ELF5: variants seen among roughly 807,000 people sequenced by gnomAD.
The protein encoded by ELF5 is ETS-related transcription factor Elf-5.
A neutral mutation model predicts 38.2 loss-of-function variants in ELF5; 31 were observed. The ratio of observed to expected loss-of-function variants is 0.81; its 90% CI spans 0.61 to 1.10. The LOEUF (loss-of-function observed/expected upper bound fraction) is 1.10, where lower values mean the gene tolerates loss of function less well. Among genes scored for constraint, ELF5 ranks in the 50% least tolerant of loss-of-function variants. ELF5 has a pLI of 0.00. For synonymous variants in ELF5, 121 were observed against 112.5 expected (o/e 1.08, Z -0.48); for missense variants, 300 against 306.6 (o/e 0.98, Z 0.16).
intron 5 of ELF5, among the ~76,000 whole-genome samples, chr11:34,481,185 G>A (rs1045044562): frequency 1.3e-5 from 2 of 151,884 alleles, no homozygotes; most frequent in African/African-American, 4.8e-5. Flanking sequence ...ATCATGCCTG[G>A]CTAATTTTTT....
At chr11:34,486,417 C>T (rs1231173060) in intron 4 of ELF5, among the ~76,000 whole-genome samples, 4 of 152,102 alleles carry the variant, frequency 2.6e-5, no homozygotes, top group Admixed American at 1.3e-4. Flanking sequence ...TGTCTGGGCA[C>T]CTTCAGTGGG....
rs2231822 is a variant in ELF5 at position 34,493,543 on chromosome 11, G to A, written c.291C>T (p.Phe97=). The change falls in exon 3 of 7, where the codon TTC becomes TTT. Residue 97 remains phenylalanine, a synonymous_variant. Coordinates refer to ENST00000257832, the MANE Select transcript of ELF5 (RefSeq NM_001422.4). ...CGCCGCAGAGGCCAGCTGCCTCGACGAACTCCTCCTGTGTCATGCTGCACA... is the reference window on the plus strand; with the variant it reads ...CGCCGCAGAGGCCAGCTGCCTCGACAAACTCCTCCTGTGTCATGCTGCACA... The part of the protein sequence containing the change: ...LQLCSMTQEE[F]VEAAGLCGEY... The A allele has an allele frequency of 1.9e-6, 3 of 1,614,090 alleles. No individual in the cohort carries two copies. Among genetic ancestry groups the A allele is most frequent in the East Asian group, 2.2e-5 (1 of 44,898 alleles).
intron 1 of ELF5, among the ~76,000 whole-genome samples, chr11:34,512,062 C>A (rs577427337): frequency 6.6e-5 from 10 of 152,226 alleles, no homozygotes; most frequent in Admixed American, 3.9e-4. Flanking sequence ...CTCAGTGATA[C>A]CCAAATGTCC....
chr11:34,497,804 G>A (rs1013398265), intron 2 of ELF5, among the ~76,000 whole-genome samples: 1 of 152,206 alleles, frequency 6.6e-6, no homozygotes, highest in Non-Finnish European at 1.5e-5. Context: ...GGGAAGCCCA[G>A]TCAAAATGTC....
At chr11:34,483,634 C>G (rs1856992156) in intron 4 of ELF5, among the ~76,000 whole-genome samples, 1 of 152,022 alleles carries the variant, frequency 6.6e-6, no homozygotes, top group South Asian at 2.1e-4. Context: ...CTATCCTGTG[C>G]TGTACATACT....
chr11:34,480,456 T>C, intron 6 of ELF5, 142 bp from the exon 7 acceptor site: 2 of 701,386 alleles, frequency 2.9e-6, no homozygotes, highest in Admixed American at 2.6e-5. Flanking sequence ...TGTTATCAAC[T>C]TACACTTAAA....
chr11:34,510,837 G>T (rs1053242280), intron 1 of ELF5, among the ~76,000 whole-genome samples: 7 of 152,184 alleles, frequency 4.6e-5, no homozygotes, highest in African/African-American at 1.7e-4. Flanking sequence ...TAAAAAAAAG[G>T]TGGAGAAGCG....
Position 34,509,014 on chromosome 11 carries a change from C to G in ELF5, c.-4-3261G>C, listed in dbSNP as rs537620223. Among the ~76,000 whole-genome samples the G allele has an allele frequency of 3.3e-5, 5 of 152,320 alleles. No homozygotes were observed. In the South Asian group the frequency reaches 8.3e-4, roughly 25 times the overall value. On this transcript the variant is annotated intron_variant, in intron 1 of 6. Transcript: ENST00000257832. ...TTTGCAGATGCTTGAAAATCTCCAACCACCATCATCATCACCATCAAATGT... is the reference window on the plus strand; with the variant it reads ...TTTGCAGATGCTTGAAAATCTCCAAGCACCATCATCATCACCATCAAATGT...
chr11:34,486,704 G>A (rs1053351565), intron 4 of ELF5, among the ~76,000 whole-genome samples: 1 of 152,206 alleles, frequency 6.6e-6, no homozygotes, highest in African/African-American at 2.4e-5. Flanking sequence ...AGATGCAAAT[G>A]GAGATAATAA....
chr11:34,502,236 C>T (rs972484213), intron 2 of ELF5, among the ~76,000 whole-genome samples: 1 of 152,212 alleles, frequency 6.6e-6, no homozygotes, highest in South Asian at 2.1e-4. Context: ...CAGTGCCTGC[C>T]CATGAACCTG....
At chr11:34,508,186 T>C (rs1282867005) in intron 1 of ELF5, among the ~76,000 whole-genome samples, 2 of 152,180 alleles carry the variant, frequency 1.3e-5, no homozygotes, top group Non-Finnish European at 2.9e-5. Flanking sequence ...CCCTCACCTA[T>C]TTTTGTAAAG....
intron 2 of ELF5, among the ~76,000 whole-genome samples, chr11:34,502,706 G>GT (rs1412195860): frequency 2.0e-5 from 3 of 152,214 alleles, no homozygotes; most frequent in African/African-American, 4.8e-5. Flanking sequence ...CATCCCTCAG[G>GT]GAGCCTTAGG....
rs1234003611 is a variant in ELF5, at chr11:34,490,148, G to C, written c.356-89C>G. On this transcript the variant is annotated intron_variant, in intron 3 of 6. Coordinates refer to ENST00000257832, the MANE Select transcript of ELF5 (RefSeq NM_001422.4). ...GGAGAGGGGGTGTTGGAGGGAAGTG[G>C]AGTGACTGTCCCTCTTGAGGTTGGT... 4.3e-6 allele frequency: 6 copies of C among 1,393,862 alleles called. No individual in the cohort carries two copies. The South Asian group carries it at 4.6e-5, about 11-fold the overall frequency. The allele number at this position is 1,393,862 out of a possible 1,614,324, so 86.3% of individuals were successfully genotyped here.
At position 34,502,027 on chromosome 11, in the gene ELF5, T is replaced by C. The variant is rs183353862; in HGVS notation, c.121+3602A>G. Among the ~76,000 whole-genome samples, 38 of 152,180 alleles carry C rather than the reference T, an allele frequency of 2.5e-4. No homozygotes were observed. The Middle Eastern group carries it at 0.01, about 41-fold the overall frequency. The stretch of plus-strand genomic sequence containing the variant: ...TGTTATTTTTGTTCAATATGGACAA[T>C]GAAGAGAGGAGAGGGAAGGCTGTTT... On this transcript the variant is annotated intron_variant, in intron 2 of 6. Coordinates refer to ENST00000257832, the MANE Select transcript of ELF5 (RefSeq NM_001422.4).
At chr11:34,488,094 C>A (rs1308425572) in intron 4 of ELF5, among the ~76,000 whole-genome samples, 3 of 152,156 alleles carry the variant, frequency 2.0e-5, no homozygotes, top group Non-Finnish European at 4.4e-5. Context: ...AGTTTAAATG[C>A]AATCTTTCCC....
At chr11:34,497,703 G>T (rs1215132320) in intron 2 of ELF5, among the ~76,000 whole-genome samples, 1 of 152,156 alleles carries the variant, frequency 6.6e-6, no homozygotes, top group African/African-American at 2.4e-5. Flanking sequence ...GGAAAGGTGG[G>T]CCTTGTGTTG....
chr11:34,499,978 T>C (rs1850419659), intron 2 of ELF5, among the ~76,000 whole-genome samples: 1 of 151,992 alleles, frequency 6.6e-6, no homozygotes, highest in African/African-American at 2.4e-5. Flanking sequence ...TCTTAGGAGG[T>C]TTGTTGTGAA....
rs1254094159 is a variant in ELF5 at position 34,478,953 on chromosome 11, G to C, written c.*1265C>G. The C allele has an allele frequency of 6.6e-6, 1 of 152,632 alleles. No homozygotes were observed. The highest frequency in any genetic ancestry group is 2.4e-5 in the African/African-American group (1 of 41,452). 9.5% of individuals were successfully genotyped at this position (152,632 alleles called of 1,614,324 possible). The stretch of plus-strand genomic sequence containing the variant: ...GGTCTTCAGCCTGTACAGCGATTCA[G>C]TGCCTCACCACTTGATTCCTGCTCT... On this transcript the variant is annotated 3_prime_UTR_variant, in exon 7 of 7. Coordinates refer to ENST00000257832, the MANE Select transcript of ELF5 (RefSeq NM_001422.4).
At chr11:34,501,140 T>C (rs1433193939) in intron 2 of ELF5, among the ~76,000 whole-genome samples, 2 of 152,184 alleles carry the variant, frequency 1.3e-5, no homozygotes, top group African/African-American at 4.8e-5. Flanking sequence ...TCTGGGTGTA[T>C]TCTGGCTCCT....
Sources: gnomAD v4.1 joint callset for allele counts (sites outside exome capture counted in the v4.1 genomes callset) on GRCh38, gnomAD v4.1.1 for gene constraint, MANE v1.5 for transcripts, NCBI Gene and HGNC (gene_info 2026-07-23, HGNC 2026-07-21) for gene names.